The following RHOT1 variants were observed in gnomAD, a reference collection of about 807,000 sequenced individuals.
RHOT1 encodes the protein mitochondrial Rho GTPase 1.
In RHOT1, 27 loss-of-function variants were observed where a neutral mutation model predicts 95.3. The ratio of observed to expected loss-of-function variants is 0.28; its 90% CI spans 0.21 to 0.39. The LOEUF is 0.39. Among genes scored for constraint, RHOT1 ranks in the 10% least tolerant of loss-of-function variants. The pLI is 1.00. For synonymous variants in RHOT1, 227 were observed against 263.5 expected (o/e 0.86, Z 1.34); for missense variants, 578 against 786.7 (o/e 0.73, Z 3.17).
At chr17:32,184,727 G>T (rs2035901305) in intron 8 of RHOT1, among the ~76,000 whole-genome samples, 1 of 151,900 alleles carries the variant, frequency 6.6e-6, no homozygotes, top group South Asian at 2.1e-4. Context: ...CAAACTCCTG[G>T]GCTCAGGCAG....
chr17:32,158,550 CCCGCTTTCAAACGATTCTCCTG>C (rs2033204677), intron 1 of RHOT1, among the ~76,000 whole-genome samples: 1 of 152,082 alleles, frequency 6.6e-6, no homozygotes, highest in Non-Finnish European at 1.5e-5. Context: ...ACACCTGCCT[CCCGCTTTCAAACGATTCTCCTG>C]CCGCAGCCTC....
intron 1 of RHOT1, chr17:32,151,241 T>C: frequency 1.4e-6 from 1 of 721,418 alleles, no homozygotes; most frequent in South Asian, 1.4e-5. Flanking sequence ...TTCTTTATAC[T>C]GTTGGCGGGT....
chr17:32,166,455 C>T (rs1431201741), intron 1 of RHOT1, among the ~76,000 whole-genome samples: 1 of 152,070 alleles, frequency 6.6e-6, no homozygotes, highest in Non-Finnish European at 1.5e-5. Context: ...ATGACATTTG[C>T]TGCATCGATT....
In RHOT1 at chr17:32,194,092, A is replaced by C. The variant is rs1309028292; in HGVS notation, c.854A>C (p.Glu285Ala). 1 of 1,613,888 alleles carries C rather than the reference A, an allele frequency of 6.2e-7. No individual in the cohort carries two copies. Among genetic ancestry groups the C allele is most frequent in the Non-Finnish European group, 8.5e-7 (1 of 1,179,942 alleles). ...GYDDDLDLTP[E>A]YLFPLLKIPP... Reference sequence around the variant, plus strand: ...GATGATGACCTGGATTTGACACCTGAATATTTGTTCCCCCTGTATGTACCT... The same window carrying C: ...GATGATGACCTGGATTTGACACCTGCATATTTGTTCCCCCTGTATGTACCT... The change falls in exon 11 of 20, where the codon GAA becomes GCA. Residue 285 changes from glutamate (E) to alanine (A), a missense_variant. Glu to Ala is a moderately radical substitution (Grantham distance 107). Transcript: ENST00000545287.
chr17:32,189,334 A>C (rs973074853), intron 8 of RHOT1, among the ~76,000 whole-genome samples: 1 of 152,162 alleles, frequency 6.6e-6, no homozygotes, highest in South Asian at 2.1e-4. Flanking sequence ...CAACAAAAAA[A>C]CACATAGATT....
At chr17:32,205,154 C>T (rs931188850) in intron 16 of RHOT1, among the ~76,000 whole-genome samples, 1 of 151,838 alleles carries the variant, frequency 6.6e-6, no homozygotes, top group Admixed American at 6.6e-5. Flanking sequence ...TGTCCTAATG[C>T]TCTCCCTCCC....
chr17:32,212,605 C>T (rs1306202788), intron 19 of RHOT1, among the ~76,000 whole-genome samples: 1 of 152,184 alleles, frequency 6.6e-6, no homozygotes, highest in Non-Finnish European at 1.5e-5. Flanking sequence ...GCAAGCCTTC[C>T]TGAGAGAGTG....
chr17:32,158,315 C>G (rs1349693441), intron 1 of RHOT1, among the ~76,000 whole-genome samples: 5 of 152,176 alleles, frequency 3.3e-5, no homozygotes, highest in Admixed American at 2.0e-4. Context: ...TAATACCCTG[C>G]ATGTTCTAGT....
chr17:32,180,106 G>A (rs2035500458), intron 6 of RHOT1: 2 of 155,378 alleles, frequency 1.3e-5, no homozygotes, highest in Admixed American at 1.3e-4. Context: ...GGGAAGTGAG[G>A]AGCACCTCTG....
chr17:32,174,023 A>G lies in RHOT1; in HGVS notation c.178+111A>G. The G allele has an allele frequency of 1.3e-5, 10 of 776,548 alleles. No individual in the cohort carries two copies. The South Asian group carries it at 1.3e-4, about 10-fold the overall frequency. The allele number at this position is 776,548 out of a possible 1,614,324, so 48.1% of individuals were successfully genotyped here. On this transcript the variant is annotated intron_variant, in intron 3 of 19. Coordinates refer to ENST00000545287, the MANE Select transcript of RHOT1 (RefSeq NM_001033566.3). ...AGAGAGGTGGTCTTTTCTCTGTAGCAGTAAATGATCCTTTACGATTCTTAT... is the reference window on the plus strand; with the variant it reads ...AGAGAGGTGGTCTTTTCTCTGTAGCGGTAAATGATCCTTTACGATTCTTAT...
chr17:32,170,399 A>C (rs573332496), intron 1 of RHOT1, among the ~76,000 whole-genome samples: 19 of 152,318 alleles, frequency 1.2e-4, no homozygotes, highest in African/African-American at 4.6e-4. Flanking sequence ...TAGGCAACGG[A>C]GTGAGACTCC....
intron 19 of RHOT1, among the ~76,000 whole-genome samples, chr17:32,211,883 ATAAAG>A: frequency 6.6e-6 from 1 of 152,182 alleles, no homozygotes; most frequent in Non-Finnish European, 1.5e-5. Context: ...AAGTAATCCT[ATAAAG>A]TAACACGCTT....
At chr17:32,193,552 C>T (rs971347759) in intron 10 of RHOT1, among the ~76,000 whole-genome samples, 1 of 152,080 alleles carries the variant, frequency 6.6e-6, no homozygotes, top group African/African-American at 2.4e-5. Context: ...TCATAAACAG[C>T]CTTTAAATAG....
In RHOT1 at chr17:32,171,033, C is replaced by T. The variant is rs777452319; in HGVS notation, c.38-10C>T. ...ACACTTTATTAAAGTAACGATTTTT[C>T]TTTTCACAGCTAGAGTTGGGAAGAC... On this transcript the variant is annotated splice_polypyrimidine_tract_variant and intron_variant, in intron 1 of 19. Transcript: ENST00000545287. 1.6e-5 allele frequency: 26 copies of T among 1,593,982 alleles called. No individual in the cohort carries two copies. The highest frequency in any genetic ancestry group is 1.7e-4 in the Middle Eastern group (1 of 5,958).
intron 19 of RHOT1, among the ~76,000 whole-genome samples, chr17:32,213,476 G>A (rs990912349): frequency 1.3e-5 from 2 of 152,028 alleles, no homozygotes; most frequent in Non-Finnish European, 2.9e-5. Flanking sequence ...AAAATTCTTG[G>A]GGAAGGATTT....
chr17:32,149,635 A>ATATATATATATATATATGTG (rs1445281403), intron 1 of RHOT1, among the ~76,000 whole-genome samples: 2 of 59,092 alleles, frequency 3.4e-5, no homozygotes, highest in African/African-American at 5.4e-5. Context: ...ATATATATAT[A>ATATATATATATATATATGTG]TGTGTGTGTG....
intron 1 of RHOT1, among the ~76,000 whole-genome samples, chr17:32,149,633 A>ATGTG (rs1233010217): frequency 2.7e-4 from 22 of 81,272 alleles, no homozygotes; most frequent in South Asian, 1.0e-3. Context: ...ATATATATAT[A>ATGTG]TATGTGTGTG....
At chr17:32,157,292 G>T (rs2033063029) in intron 1 of RHOT1, among the ~76,000 whole-genome samples, 1 of 152,176 alleles carries the variant, frequency 6.6e-6, no homozygotes, top group Non-Finnish European at 1.5e-5. Flanking sequence ...TAAGTGCCAT[G>T]GGAGCTGGAG....
intron 1 of RHOT1, among the ~76,000 whole-genome samples, chr17:32,168,619 TTATATA>T (rs762261672): frequency 6.7e-6 from 1 of 148,294 alleles, no homozygotes; most frequent in African/African-American, 2.4e-5. Flanking sequence ...TATATAATAT[TTATATA>T]TATAAATATA....
Sources: gnomAD v4.1 joint callset for allele counts (sites outside exome capture counted in the v4.1 genomes callset) on GRCh38, gnomAD v4.1.1 for gene constraint, MANE v1.5 for transcripts, NCBI Gene and HGNC (gene_info 2026-07-23, HGNC 2026-07-21) for gene names.